LPIN2: variants seen among roughly 807,000 people sequenced by gnomAD.
The protein encoded by LPIN2 is lipin 2.
Under a neutral mutation model 111.4 loss-of-function variants are expected in LPIN2, and 55 were observed. The observed-to-expected ratio is 0.49, with a 90% CI of 0.40 to 0.62. The LOEUF (loss-of-function observed/expected upper bound fraction) is 0.62, where lower values mean the gene tolerates loss of function less well. Among genes scored for constraint, LPIN2 ranks in the 20% least tolerant of loss-of-function variants. LPIN2 has a pLI of 0.00. For synonymous variants in LPIN2, 425 were observed against 414.0 expected, an observed-to-expected ratio of 1.03 and a Z score of -0.32; for missense variants, 992 against 1,112.1, an observed-to-expected ratio of 0.89 and a Z score of 1.54.
chr18:2,920,327 G>C lies in LPIN2; in HGVS notation c.2657C>G (p.Pro886Arg). ...GTCATCCAGGTCCACTTCAGGGATC[G>C]GGTCTCGCCAGTAGCAGAAGGAGCT... is the stretch of plus-strand genomic sequence containing the variant. ...EFSSFCYWRD[P>R]IPEVDLDDLS The change falls in exon 20 of 20, where the codon CCG becomes CGG. Residue 886 changes from proline (P) to arginine (R), a missense_variant. Physicochemically the swap from Pro to Arg is moderately radical, Grantham distance 103 (BLOSUM62 -2). This residue lies in a region of LPIN2 where 185 missense variants were observed against 186.5 expected (regional missense o/e 0.99). Coordinates refer to ENST00000677752, the MANE Select transcript of LPIN2 (RefSeq NM_001375808.2). 2 of 1,614,148 alleles carry C rather than the reference G, an allele frequency of 1.2e-6. No individual in the cohort carries two copies. Among genetic ancestry groups the C allele is most frequent in the Non-Finnish European group, 1.7e-6 (2 of 1,180,032 alleles).
intron 1 of LPIN2, among the ~76,000 whole-genome samples, chr18:3,008,992 T>TG (rs1424183588): frequency 6.7e-6 from 1 of 148,384 alleles, no homozygotes; most frequent in Non-Finnish European, 1.5e-5. Flanking sequence ...TCTGTCCGGG[T>TG]GCGGTGGCTC....
intron 1 of LPIN2, among the ~76,000 whole-genome samples, chr18:2,971,553 GCCT>G (rs1567845024): frequency 1.3e-5 from 2 of 152,288 alleles, no homozygotes; most frequent in African/African-American, 4.8e-5. Context: ...TTGGCACAGT[GCCT>G]AGCAATAGTA....
At chr18:2,947,146 A>G (rs1161929339) in intron 4 of LPIN2, among the ~76,000 whole-genome samples, 1 of 152,214 alleles carries the variant, frequency 6.6e-6, no homozygotes, top group African/African-American at 2.4e-5. Context: ...CTTTTAAGTA[A>G]GTCTGCTTTA....
At chr18:2,967,599 A>G (rs1296439809) in intron 1 of LPIN2, 1 of 152,282 alleles carries the variant, frequency 6.6e-6, no homozygotes, top group Non-Finnish European at 1.5e-5. Context: ...AAGGGATTAC[A>G]AAGAACGAAA....
At chr18:2,958,201 A>G (rs1211093487) in intron 2 of LPIN2, among the ~76,000 whole-genome samples, 4 of 149,896 alleles carry the variant, frequency 2.7e-5, no homozygotes, top group Non-Finnish European at 5.9e-5. Context: ...AACTTTTATA[A>G]ATAATCAAGT....
At chr18:2,946,347 G>A (rs147945903) in intron 4 of LPIN2, 15,038 of 1,498,810 alleles carry the variant, frequency 0.01, 104 homozygotes, top group Non-Finnish European at 0.011. Context: ...TCACTATTAT[G>A]TCTACCTTTT....
Position 2,925,236 on chromosome 18 carries a change from G to T in LPIN2, c.1926C>A (p.Ser642=). 6.2e-7 allele frequency: 1 copy of T among 1,614,188 alleles called. No homozygotes were observed. Among genetic ancestry groups the T allele is most frequent in the Non-Finnish European group, 8.5e-7 (1 of 1,180,014 alleles). The change falls in exon 14 of 20, where the codon TCC becomes TCA. Residue 642 remains serine, a synonymous_variant. Coordinates refer to ENST00000677752, the MANE Select transcript of LPIN2 (RefSeq NM_001375808.2). The surrounding 1 kb of genome is among the most constrained non-coding windows in gnomAD (Gnocchi z 4.1). ...ATGCAAGACTCACGATCTGGTCTGA[G>T]GAGAGGCGGAGAGACTTCTTATATG... ...TTSYKKSLRL[S]SDQIAKLKLH...
intron 1 of LPIN2, among the ~76,000 whole-genome samples, chr18:3,006,681 C>CA (rs1226000422): frequency 1.3e-5 from 2 of 152,102 alleles, no homozygotes; most frequent in Admixed American, 6.5e-5. Context: ...ACTAAAAATA[C>CA]AAAAAATTAG....
intron 1 of LPIN2, chr18:2,985,135 G>C (rs1395241997): frequency 6.6e-6 from 1 of 152,214 alleles, no homozygotes; most frequent in Non-Finnish European, 1.5e-5. Context: ...TCAGAAGTGA[G>C]CTCATTTTCT....
chr18:2,996,983 A>T (rs1598609156), intron 1 of LPIN2, among the ~76,000 whole-genome samples: 1 of 21,110 alleles, frequency 4.7e-5, no homozygotes, highest in African/African-American at 9.5e-5. Flanking sequence ...GGAGGCTTGT[A>T]TTTTTCTTTT....
At chr18:2,960,486 C>G (rs1008182850) in intron 2 of LPIN2, 163 bp downstream of exon 2, 2 of 697,860 alleles carry the variant, frequency 2.9e-6, no homozygotes, top group East Asian at 5.3e-5. Context: ...GTTGACTTCT[C>G]GTAACATTGT....
In LPIN2 at chr18:2,925,381, A is replaced by G. The variant is rs547935844; in HGVS notation, c.1794-13T>C. 6.2e-7 allele frequency: 1 copy of G among 1,614,080 alleles called. No homozygotes were observed. The highest frequency in any genetic ancestry group is 1.1e-5 in the South Asian group (1 of 91,080). ...ATTCTCGGCCGGCCTGTTCAACATT[A>G]GCCCAGTTACGGAAGAGGCAGCAGG... On this transcript the variant is annotated splice_polypyrimidine_tract_variant and intron_variant, in intron 13 of 19. Transcript: ENST00000677752. This position sits in a 1 kb window ranked among gnomAD's most constrained non-coding sequence, Gnocchi z 4.1.
Position 2,922,181 on chromosome 18 carries a change from C to T in LPIN2, c.2193G>A (p.Leu731=), listed in dbSNP as rs761674505. The change falls in exon 17 of 20, where the codon CTG becomes CTA. Residue 731 remains leucine (L), a synonymous_variant. Transcript: ENST00000677752. ...TGCCGATGGCACGAGCCGAGCAGTA[C>T]AGAAACTTGTAGCCATTCCTGAAAG... ...HSINENGYKF[L]YCSARAIGMA... is the part of the protein sequence containing the mutation. 1.2e-6 allele frequency: 2 copies of T among 1,613,970 alleles called. No individual in the cohort carries two copies. Among genetic ancestry groups the T allele is most frequent in the Non-Finnish European group, 1.7e-6 (2 of 1,179,960 alleles).
chr18:2,948,557 T>C (rs886523132), intron 4 of LPIN2, among the ~76,000 whole-genome samples: 1 of 152,232 alleles, frequency 6.6e-6, no homozygotes, highest in Non-Finnish European at 1.5e-5. Flanking sequence ...TGCTCTATTA[T>C]GTCTGACAAA....
In LPIN2 at chr18:2,927,778, G is replaced by C. The variant is rs1395161006; in HGVS notation, c.1654C>G (p.Pro552Ala). The C allele has an allele frequency of 5.7e-5, 92 of 1,613,960 alleles. No homozygotes were observed. Among genetic ancestry groups the C allele is most frequent in the Non-Finnish European group, 7.6e-5 (90 of 1,180,000 alleles). ...TVESWVKDKM[P>A]KKSGRWWFWR... ...AACCACCAGCGACCAGATTTCTTTGGCATCTTGTCTTTCACCCAGGACTCA... is the reference window on the plus strand; with the variant it reads ...AACCACCAGCGACCAGATTTCTTTGCCATCTTGTCTTTCACCCAGGACTCA... Residue 552 changes from proline to alanine, a missense_variant, in exon 12 of 20, where the codon CCA becomes GCA. Coordinates refer to ENST00000677752, the MANE Select transcript of LPIN2 (RefSeq NM_001375808.2).
intron 9 of LPIN2, among the ~76,000 whole-genome samples, chr18:2,930,123 A>G (rs2077193043): frequency 6.6e-6 from 1 of 152,148 alleles, no homozygotes; most frequent in Non-Finnish European, 1.5e-5. Flanking sequence ...GAAACTGCTC[A>G]CTTGGATTGT....
chr18:2,990,454 A>C (rs554858915), intron 1 of LPIN2, among the ~76,000 whole-genome samples: 1 of 152,388 alleles, frequency 6.6e-6, no homozygotes, highest in Admixed American at 6.5e-5. Context: ...CAAATGATTC[A>C]ATTAAAATAT....
chr18:2,961,632 G>T (rs749637364), intron 1 of LPIN2, among the ~76,000 whole-genome samples: 1 of 152,070 alleles, frequency 6.6e-6, no homozygotes, highest in Non-Finnish European at 1.5e-5. Flanking sequence ...TAAAGCCAGG[G>T]GTGGCTTTAT....
chr18:2,951,409 T>A, intron 3 of LPIN2, 53 bp from the exon 4 acceptor site: 2 of 1,415,522 alleles, frequency 1.4e-6, no homozygotes, highest in Non-Finnish European at 2.0e-6. Flanking sequence ...GACAGTGAAT[T>A]AAAGCAGTAA....
Sources: gnomAD v4.1 joint callset for allele counts (sites outside exome capture counted in the v4.1 genomes callset) on GRCh38, gnomAD v4.1.1 for gene constraint, gnomAD v4.1.1 regional missense constraint, Gnocchi (gnomAD v3.1) non-coding constraint, MANE v1.5 for transcripts, NCBI Gene and HGNC (gene_info 2026-07-23, HGNC 2026-07-21) for gene names.